Variants in NRCAM observed in about 807,000 individuals in gnomAD.
NRCAM encodes NgCAM-related cell adhesion molecule.
NRCAM carries 83 observed loss-of-function variants against 156.5 expected under a neutral mutation model. The ratio of observed to expected loss-of-function variants is 0.53; its 90% CI spans 0.44 to 0.64. The LOEUF is 0.64. Ranked by LOEUF, NRCAM falls within the 30% of genes least tolerant of loss-of-function variation. The pLI is 0.00. For missense variants in NRCAM, 1,417 were observed against 1,597.3 expected, an observed-to-expected ratio of 0.89 and a Z score of 1.92; for synonymous variants, 538 against 563.9, an observed-to-expected ratio of 0.95 and a Z score of 0.65.
intron 2 of NRCAM, among the ~76,000 whole-genome samples, chr7:108,324,583 C>T (rs1018167345): frequency 1.3e-5 from 2 of 152,186 alleles, no homozygotes; most frequent in Admixed American, 6.5e-5. Flanking sequence ...TTTTCTTCAA[C>T]AGGCTCTGCA....
Position 108,240,034 on chromosome 7 carries a change from G to C in NRCAM, c.31C>G (p.Arg11Gly). Residue 11 changes from arginine to glycine, a missense_variant, in exon 4 of 33, where the codon CGC (arginine) becomes GGC (glycine). Arg to Gly is a moderately radical substitution (Grantham distance 125). This residue lies in a region of NRCAM where 1,238 missense variants were observed against 1,336.4 expected (regional missense o/e 0.93). Coordinates refer to ENST00000379028, the MANE Select transcript of NRCAM (RefSeq NM_001037132.4). ...AGGGGCACTCTGCCCGCAGATAAGC[G>C]CTTCTTTTTCGGCATTATTTTAAGC... MQLKIMPKKK[R>G]LSAGRVPLIL... 1 of 1,613,062 alleles carries C rather than the reference G, an allele frequency of 6.2e-7. No individual in the cohort carries two copies. The highest frequency in any genetic ancestry group is 2.2e-5 in the East Asian group (1 of 44,866).
chr7:108,277,615 T>C (rs1433957980), intron 3 of NRCAM, among the ~76,000 whole-genome samples: 2 of 152,092 alleles, frequency 1.3e-5, no homozygotes, highest in Non-Finnish European at 2.9e-5. Flanking sequence ...TCTACACTGG[T>C]TATTCTAGTT....
intron 2 of NRCAM, among the ~76,000 whole-genome samples, chr7:108,376,265 G>A (rs4730306): frequency 1.3e-5 from 2 of 152,096 alleles, no homozygotes; most frequent in Admixed American, 1.3e-4. Flanking sequence ...AAATGGCTGG[G>A]GTTCATCCAT....
At chr7:108,422,591 T>A (rs1380248912) in intron 1 of NRCAM, among the ~76,000 whole-genome samples, 1 of 152,040 alleles carries the variant, frequency 6.6e-6, no homozygotes, top group Non-Finnish European at 1.5e-5. Flanking sequence ...ATCCTTTACA[T>A]AAAGATACAT....
chr7:108,188,594 G>A (rs1194594205), intron 20 of NRCAM, among the ~76,000 whole-genome samples: 1 of 151,434 alleles, frequency 6.6e-6, no homozygotes, highest in Non-Finnish European at 1.5e-5. Flanking sequence ...GTAAATGAAT[G>A]AAAGAGTAGA....
intron 2 of NRCAM, among the ~76,000 whole-genome samples, chr7:108,384,429 T>C (rs1021644672): frequency 3.3e-5 from 5 of 152,122 alleles, no homozygotes; most frequent in African/African-American, 4.8e-5. Flanking sequence ...AAAGCTCCTA[T>C]TTCCATATGA....
intron 2 of NRCAM, among the ~76,000 whole-genome samples, chr7:108,314,292 T>C (rs73201537): frequency 9.2e-5 from 14 of 152,326 alleles, no homozygotes; most frequent in Non-Finnish European, 1.8e-4. Flanking sequence ...CATTCATTAC[T>C]CTTGTTTTGA....
chr7:108,296,706 T>A (rs148565177), intron 3 of NRCAM, among the ~76,000 whole-genome samples: 38 of 152,296 alleles, frequency 2.5e-4, no homozygotes, highest in African/African-American at 8.4e-4. Context: ...GGCTTTAATG[T>A]TAGTACTACA....
intron 2 of NRCAM, chr7:108,313,090 T>G (rs1244183312): frequency 6.6e-6 from 1 of 152,084 alleles, no homozygotes; most frequent in African/African-American, 2.4e-5. Context: ...TTATTTAAAT[T>G]TTTTTATTTG....
intron 14 of NRCAM, among the ~76,000 whole-genome samples, chr7:108,196,489 G>GA (rs1465253999): frequency 6.6e-6 from 1 of 152,128 alleles, no homozygotes; most frequent in African/African-American, 2.4e-5. Context: ...TCAATAGTAA[G>GA]AAAATGAATA....
rs569232513 is a variant in NRCAM at position 108,315,745 on chromosome 7, G to A, written c.-173-3014C>T. On this transcript the variant is annotated intron_variant, in intron 2 of 32. Transcript: ENST00000379028. The stretch of plus-strand genomic sequence containing the variant: ...TGGAAGTTAGGGTGGGAGCAAGAAG[G>A]GATCCATTCGAGCAAGAAACTTGCA... Among the ~76,000 whole-genome samples the A allele has an allele frequency of 5.9e-5, 9 of 152,308 alleles. No individual in the cohort carries two copies. The South Asian group carries it at 1.9e-3, about 32-fold the overall frequency.
At chr7:108,293,073 C>A (rs1190816924) in intron 3 of NRCAM, among the ~76,000 whole-genome samples, 2 of 152,206 alleles carry the variant, frequency 1.3e-5, no homozygotes, top group East Asian at 3.9e-4. Context: ...GAGGTCAACC[C>A]AGAAAACGGG....
chr7:108,164,976 G>A (rs2052912385), intron 30 of NRCAM, among the ~76,000 whole-genome samples: 1 of 152,164 alleles, frequency 6.6e-6, no homozygotes, highest in Non-Finnish European at 1.5e-5. Context: ...CCTATAGAAG[G>A]ACAACAAATG....
At chr7:108,295,809 C>G (rs1158121139) in intron 3 of NRCAM, among the ~76,000 whole-genome samples, 1 of 152,198 alleles carries the variant, frequency 6.6e-6, no homozygotes, top group Non-Finnish European at 1.5e-5. Flanking sequence ...GTGACAACCA[C>G]CAAAGTACCT....
intron 2 of NRCAM, among the ~76,000 whole-genome samples, chr7:108,338,247 C>T (rs2099228621): frequency 6.6e-6 from 1 of 152,250 alleles, no homozygotes; most frequent in African/African-American, 2.4e-5. Flanking sequence ...TGGGTCCTAA[C>T]CATGACTTTC....
chr7:108,287,782 G>C (rs1044949466), intron 3 of NRCAM, among the ~76,000 whole-genome samples: 1 of 151,938 alleles, frequency 6.6e-6, no homozygotes, highest in Non-Finnish European at 1.5e-5. Context: ...ATGTAAATTA[G>C]TACAGCTTCT....
intron 2 of NRCAM, among the ~76,000 whole-genome samples, chr7:108,357,504 T>C (rs1211525953): frequency 6.6e-6 from 1 of 152,092 alleles, no homozygotes; most frequent in Non-Finnish European, 1.5e-5. Context: ...CTCATTTTTG[T>C]ATTTTTAGTA....
At chr7:108,181,527 C>T (rs1473393197) in intron 24 of NRCAM, among the ~76,000 whole-genome samples, 1 of 151,896 alleles carries the variant, frequency 6.6e-6, no homozygotes, top group Non-Finnish European at 1.5e-5. Context: ...TGGTAATATT[C>T]TAGGTCTTTA....
intron 2 of NRCAM, among the ~76,000 whole-genome samples, chr7:108,357,360 T>C (rs917014220): frequency 6.8e-5 from 10 of 147,558 alleles, no homozygotes; most frequent in Admixed American, 1.4e-4. Context: ...TGAGACAAAG[T>C]CTCGCTCTTG....
Sources: allele counts gnomAD v4.1 joint callset (sites outside exome capture counted in the v4.1 genomes callset), GRCh38; gene constraint gnomAD v4.1.1; regional missense constraint gnomAD v4.1.1; transcripts MANE v1.5; gene names NCBI Gene and HGNC (gene_info 2026-07-23, HGNC 2026-07-21).